MACROD2: variants seen among roughly 807,000 people sequenced by gnomAD.
MACROD2 encodes the protein ADP-ribose glycohydrolase MACROD2.
Under a neutral mutation model 70.4 loss-of-function variants are expected in MACROD2, and 36 were observed. That is an observed-to-expected ratio of 0.51 (90% CI 0.39 to 0.68). The LOEUF (loss-of-function observed/expected upper bound fraction) is 0.68. Among genes scored for constraint, MACROD2 ranks in the 30% least tolerant of loss-of-function variants. The pLI is 0.00. For missense variants in MACROD2, 496 were observed against 538.4 expected (o/e 0.92, Z 0.78); for synonymous variants, 172 against 178.8 (o/e 0.96, Z 0.30).
intron 5 of MACROD2, among the ~76,000 whole-genome samples, chr20:14,912,673 A>G (rs984802548): frequency 6.6e-6 from 1 of 152,204 alleles, no homozygotes; most frequent in African/African-American, 2.4e-5. Context: ...AGGGTTCAAC[A>G]TATGTGAAGA....
At chr20:14,814,421 G>A (rs1015843067) in intron 5 of MACROD2, among the ~76,000 whole-genome samples, 1 of 151,982 alleles carries the variant, frequency 6.6e-6, no homozygotes, top group Admixed American at 6.6e-5. Context: ...TAACTTTATG[G>A]AAATCAGTTG....
chr20:15,542,897 C>T (rs1464801023), intron 8 of MACROD2, among the ~76,000 whole-genome samples: 4 of 152,168 alleles, frequency 2.6e-5, no homozygotes, highest in African/African-American at 4.8e-5. Flanking sequence ...CTACGCAGCA[C>T]AACTTGTCAA....
intron 8 of MACROD2, among the ~76,000 whole-genome samples, chr20:15,602,320 G>A (rs755172443): frequency 1.3e-5 from 2 of 152,184 alleles, no homozygotes; most frequent in Non-Finnish European, 2.9e-5. Flanking sequence ...GCTCTGAAAG[G>A]TCATGCTAGT....
At chr20:14,869,065 G>A (rs2073459149) in intron 5 of MACROD2, among the ~76,000 whole-genome samples, 1 of 152,148 alleles carries the variant, frequency 6.6e-6, no homozygotes, top group African/African-American at 2.4e-5. Flanking sequence ...ACCAAACCTT[G>A]AGTGGCCCTT....
At chr20:15,580,810 A>AG (rs1046755969) in intron 8 of MACROD2, among the ~76,000 whole-genome samples, 1 of 152,150 alleles carries the variant, frequency 6.6e-6, no homozygotes, top group South Asian at 2.1e-4. Flanking sequence ...CTTAGGGGAA[A>AG]GGGGAGGGAG....
At chr20:14,039,680 A>G (rs547786535) in intron 2 of MACROD2, among the ~76,000 whole-genome samples, 2 of 152,256 alleles carry the variant, frequency 1.3e-5, no homozygotes, top group African/African-American at 4.8e-5. Flanking sequence ...AAAACATTAA[A>G]AGGTTGTAAA....
intron 5 of MACROD2, among the ~76,000 whole-genome samples, chr20:14,932,080 C>T (rs1241799356): frequency 1.3e-5 from 2 of 151,112 alleles, no homozygotes; most frequent in Admixed American, 6.6e-5. Context: ...CTACCTGGTA[C>T]GAAATAAAGG....
intron 5 of MACROD2, chr20:14,849,842 G>C (rs1289912533): frequency 2.5e-6 from 1 of 404,920 alleles, no homozygotes; most frequent in Non-Finnish European, 4.8e-6. Context: ...GACTGTAGCA[G>C]ATAAATGTCC....
At chr20:15,565,944 T>C (rs1007107023) in intron 8 of MACROD2, among the ~76,000 whole-genome samples, 35 of 152,132 alleles carry the variant, frequency 2.3e-4, no homozygotes, top group Non-Finnish European at 1.3e-4. Flanking sequence ...ATCCTTTTCC[T>C]GCCATTTCTT....
intron 8 of MACROD2, among the ~76,000 whole-genome samples, chr20:15,753,499 C>A (rs1316129462): frequency 6.6e-6 from 1 of 152,160 alleles, no homozygotes; most frequent in African/African-American, 2.4e-5. Context: ...ACCACATTTT[C>A]TTTATCCAAT....
chr20:15,887,514 T>TA (rs1325108284), intron 10 of MACROD2, among the ~76,000 whole-genome samples: 1 of 152,112 alleles, frequency 6.6e-6, no homozygotes, highest in Non-Finnish European at 1.5e-5. Flanking sequence ...AGAAAGTCCT[T>TA]ATGACTCTCT....
intron 8 of MACROD2, among the ~76,000 whole-genome samples, chr20:15,504,379 GA>G (rs1336085224): frequency 6.6e-6 from 1 of 151,468 alleles, no homozygotes; most frequent in Non-Finnish European, 1.5e-5. Context: ...AAAAAGAAAA[GA>G]AAAAAAGGAG....
intron 3 of MACROD2, among the ~76,000 whole-genome samples, chr20:14,261,449 C>G (rs546618281): frequency 6.6e-6 from 1 of 152,148 alleles, no homozygotes; most frequent in Non-Finnish European, 1.5e-5. Context: ...TATATCATCT[C>G]TTTTGTTTTA....
chr20:14,634,523 C>CT (rs1984679562), intron 4 of MACROD2, among the ~76,000 whole-genome samples: 1 of 151,236 alleles, frequency 6.6e-6, no homozygotes, highest in South Asian at 2.1e-4. Context: ...ACAATTTTGG[C>CT]TTTTTCCTTC....
intron 5 of MACROD2, among the ~76,000 whole-genome samples, chr20:15,113,937 C>G (rs1373654004): frequency 6.6e-6 from 1 of 152,092 alleles, no homozygotes; most frequent in Non-Finnish European, 1.5e-5. Context: ...TGCTTCAGGA[C>G]TGCTAGTATA....
intron 8 of MACROD2, among the ~76,000 whole-genome samples, chr20:15,811,118 A>G (rs2063816626): frequency 6.6e-6 from 1 of 152,188 alleles, no homozygotes; most frequent in Non-Finnish European, 1.5e-5. Flanking sequence ...GCTTCTACAC[A>G]GCAAAAGAAA....
At chr20:14,148,348 G>A (rs559208123) in intron 3 of MACROD2, among the ~76,000 whole-genome samples, 1 of 152,266 alleles carries the variant, frequency 6.6e-6, no homozygotes, top group Admixed American at 6.5e-5. Context: ...AGTTGAAGAA[G>A]ATTTTTGTGA....
At chr20:16,034,826 C>G (rs940687199) in intron 15 of MACROD2, among the ~76,000 whole-genome samples, 2 of 151,326 alleles carry the variant, frequency 1.3e-5, no homozygotes, top group Non-Finnish European at 2.9e-5. Flanking sequence ...ACTCTTCCCC[C>G]TAAGTCCCCA....
chr20:14,340,253 T>G (rs1413360010), intron 3 of MACROD2, among the ~76,000 whole-genome samples: 1 of 152,128 alleles, frequency 6.6e-6, no homozygotes, highest in Non-Finnish European at 1.5e-5. Flanking sequence ...CCTGGGTAGT[T>G]TAAGAACATG....
Sources: gnomAD v4.1 joint callset for allele counts (sites outside exome capture counted in the v4.1 genomes callset) on GRCh38, gnomAD v4.1.1 for gene constraint, MANE v1.5 for transcripts, NCBI Gene and HGNC (gene_info 2026-07-23, HGNC 2026-07-21) for gene names.